CNTN5: variants seen among roughly 807,000 people sequenced by gnomAD.
CNTN5 encodes contactin 5.
A neutral mutation model predicts 129.1 loss-of-function variants in CNTN5; 77 were observed. The ratio of observed to expected loss-of-function variants is 0.60; its 90% CI spans 0.50 to 0.72. The LOEUF (loss-of-function observed/expected upper bound fraction) is 0.72, where lower values mean the gene tolerates loss of function less well. Among genes scored for constraint, CNTN5 ranks in the 30% least tolerant of loss-of-function variants. The pLI is 0.00. For missense variants in CNTN5, 1,478 were observed against 1,328.8 expected (o/e 1.11, Z -1.75); for synonymous variants, 509 against 465.6 (o/e 1.09, Z -1.20).
intron 3 of CNTN5, among the ~76,000 whole-genome samples, chr11:99,805,111 T>G (rs1004394178): frequency 6.6e-6 from 1 of 152,124 alleles, no homozygotes; most frequent in South Asian, 2.1e-4. Flanking sequence ...GTGCTTTGGT[T>G]TAAAGGTTTG....
At chr11:99,354,243 CA>C (rs1186558448) in intron 2 of CNTN5, among the ~76,000 whole-genome samples, 1 of 152,032 alleles carries the variant, frequency 6.6e-6, no homozygotes, top group African/African-American at 2.4e-5. Context: ...TAAGCATGAC[CA>C]GATAAATCAC....
At chr11:99,978,766 G>T (rs183955764) in intron 8 of CNTN5, among the ~76,000 whole-genome samples, 2 of 152,112 alleles carry the variant, frequency 1.3e-5, no homozygotes, top group African/African-American at 2.4e-5. Context: ...ACTAAGTGAC[G>T]CATGACTGCT....
chr11:99,472,645 C>T (rs1189029095), intron 2 of CNTN5, among the ~76,000 whole-genome samples: 1 of 152,050 alleles, frequency 6.6e-6, no homozygotes, highest in Non-Finnish European at 1.5e-5. Flanking sequence ...AACATACATG[C>T]ATTAGCATAT....
At chr11:99,465,013 T>G (rs962202670) in intron 2 of CNTN5, among the ~76,000 whole-genome samples, 11 of 152,216 alleles carry the variant, frequency 7.2e-5, no homozygotes, top group African/African-American at 2.7e-4. Context: ...TAACCAAATA[T>G]TCTGCTAGGA....
intron 1 of CNTN5, among the ~76,000 whole-genome samples, chr11:99,231,840 G>C (rs1230879283): frequency 6.6e-6 from 1 of 152,152 alleles, no homozygotes; most frequent in East Asian, 1.9e-4. Flanking sequence ...GTATGAGGTA[G>C]GGGTCCAATT....
At chr11:99,838,059 C>A (rs1302800959) in intron 4 of CNTN5, among the ~76,000 whole-genome samples, 6 of 151,912 alleles carry the variant, frequency 3.9e-5, no homozygotes, top group Admixed American at 3.9e-4. Flanking sequence ...AATGTAACTA[C>A]CAGAAAATCT....
At chr11:99,893,437 A>C (rs1016347159) in intron 6 of CNTN5, among the ~76,000 whole-genome samples, 15 of 152,194 alleles carry the variant, frequency 9.9e-5, no homozygotes, top group Admixed American at 4.6e-4. Flanking sequence ...CTTTAGAAAA[A>C]AAAGTTTGCG....
At chr11:99,116,013 C>A (rs1158861731) in intron 1 of CNTN5, among the ~76,000 whole-genome samples, 1 of 152,100 alleles carries the variant, frequency 6.6e-6, no homozygotes, top group East Asian at 1.9e-4. Context: ...AACAATCACC[C>A]TATGCTGTAT....
At chr11:99,370,422 A>C (rs1320480933) in intron 2 of CNTN5, among the ~76,000 whole-genome samples, 1 of 152,210 alleles carries the variant, frequency 6.6e-6, no homozygotes, top group Admixed American at 6.6e-5. Context: ...ACATACTGTA[A>C]TTGCTATGCT....
intron 10 of CNTN5, among the ~76,000 whole-genome samples, chr11:100,063,994 T>C (rs1172547077): frequency 1.3e-5 from 2 of 152,180 alleles, no homozygotes; most frequent in African/African-American, 4.8e-5. Flanking sequence ...TCAAACTCTG[T>C]AAAGTGTAGA....
At chr11:100,278,314 A>G (rs1314846151) in intron 18 of CNTN5, among the ~76,000 whole-genome samples, 6 of 151,996 alleles carry the variant, frequency 3.9e-5, no homozygotes, top group Non-Finnish European at 7.4e-5. Context: ...GATCTGATAT[A>G]AACTTAAGAA....
intron 1 of CNTN5, among the ~76,000 whole-genome samples, chr11:99,109,261 A>AT (rs1857670007): frequency 2.0e-5 from 3 of 152,058 alleles, no homozygotes; most frequent in African/African-American, 7.2e-5. Context: ...AAAGAAATAC[A>AT]TTTTTTCAAT....
chr11:99,194,255 T>A (rs1031361922), intron 1 of CNTN5, among the ~76,000 whole-genome samples: 1 of 152,098 alleles, frequency 6.6e-6, no homozygotes, highest in African/African-American at 2.4e-5. Flanking sequence ...TAATGTTTAA[T>A]AGGAGTTCTG....
chr11:100,197,581 A>G (rs974749822), intron 15 of CNTN5, among the ~76,000 whole-genome samples: 2 of 152,004 alleles, frequency 1.3e-5, no homozygotes, highest in Admixed American at 6.6e-5. Flanking sequence ...CTCTCAGGAT[A>G]TCTGAATAGC....
At chr11:99,072,190 G>A (rs139372025) in intron 1 of CNTN5, among the ~76,000 whole-genome samples, 29 of 152,086 alleles carry the variant, frequency 1.9e-4, no homozygotes, top group African/African-American at 6.7e-4. Flanking sequence ...TTTCTTTGGT[G>A]ATGAAATTGT....
chr11:100,025,690 C>T (rs114931022), intron 9 of CNTN5, among the ~76,000 whole-genome samples: 2,593 of 152,272 alleles, frequency 0.017, 71 homozygotes, highest in African/African-American at 0.058. Context: ...AAGTGAGATA[C>T]AGAGTCAAAG....
chr11:100,349,144 T>C (rs549177150), intron 23 of CNTN5, among the ~76,000 whole-genome samples: 2 of 151,742 alleles, frequency 1.3e-5, no homozygotes, highest in South Asian at 4.2e-4. Flanking sequence ...TAAAATTAAA[T>C]GAAAAAAAAG....
chr11:99,951,281 A>AG (rs1950668323), intron 7 of CNTN5, among the ~76,000 whole-genome samples: 2 of 151,504 alleles, frequency 1.3e-5, no homozygotes, highest in Admixed American at 1.3e-4. Flanking sequence ...AAAAAAAAAA[A>AG]CATGAAAAGT....
intron 2 of CNTN5, among the ~76,000 whole-genome samples, chr11:99,368,845 G>A (rs1237383600): frequency 6.6e-6 from 1 of 152,066 alleles, no homozygotes; most frequent in Non-Finnish European, 1.5e-5. Flanking sequence ...GGGAGAGAGA[G>A]TGAACTCACA....
Sources: allele counts gnomAD v4.1 joint callset (sites outside exome capture counted in the v4.1 genomes callset), GRCh38; gene constraint gnomAD v4.1.1; transcripts MANE v1.5; gene names NCBI Gene and HGNC (gene_info 2026-07-23, HGNC 2026-07-21).